Variants in KNDC1 observed in about 807,000 individuals in gnomAD.
KNDC1 encodes kinase non-catalytic C-lobe domain-containing protein 1.
KNDC1 carries 106 observed loss-of-function variants against 172.8 expected under a neutral mutation model. The ratio of observed to expected loss-of-function variants is 0.61; its 90% CI spans 0.52 to 0.72. KNDC1 has a LOEUF of 0.72. Ranked by LOEUF, KNDC1 falls within the 30% of genes least tolerant of loss-of-function variation. The probability of loss-of-function intolerance (pLI) is 0.00; values close to 1 mark genes in which losing one functional copy is unlikely to be tolerated. For missense variants in KNDC1, 2,325 were observed against 2,394.5 expected (o/e 0.97, Z 0.61); for synonymous variants, 1,083 against 1,062.2 (o/e 1.02, Z -0.38).
rs11101620 is a variant in KNDC1, at chr10:133,183,450, G to A, written c.467G>A (p.Arg156Gln). The A allele has an allele frequency of 0.027, 43,038 of 1,605,376 alleles. 650 individuals carry two copies. Among genetic ancestry groups the A allele is most frequent in the Middle Eastern group, 0.033 (156 of 4,796 alleles). The change falls in exon 4 of 30, where the codon CGG becomes CAG. Residue 156 changes from arginine (R) to glutamine (Q), a missense_variant. Transcript: ENST00000304613. ...LSQDLEALLSRMQAEDPGDRP... is the reference protein window; with the variant it reads ...LSQDLEALLSQMQAEDPGDRP... ...CAAGACCTCGAGGCGCTGCTGAGCC[G>A]GATGCAGGCGGAGGACCCCGGGGAC... is the stretch of plus-strand genomic sequence containing the variant.
intron 12 of KNDC1, among the ~76,000 whole-genome samples, chr10:133,198,072 T>C (rs879751030): frequency 6.6e-6 from 1 of 151,986 alleles, no homozygotes; most frequent in Non-Finnish European, 1.5e-5. Flanking sequence ...ACCCCCGTAC[T>C]GAGCCCTGCT....
At position 133,220,113 on chromosome 10, in the gene KNDC1, G is replaced by A; in HGVS notation, c.5018+1G>A. On this transcript the variant is annotated splice_donor_variant, in intron 29 of 29. Coordinates refer to ENST00000304613, the MANE Select transcript of KNDC1 (RefSeq NM_152643.8). LOFTEE classifies it high-confidence loss of function. ...GGGCCCACAGGTGGAGCAAGCTCAGGTGAGGAGGGGCTCAGGCGGCCGCGC... is the reference window on the plus strand; with the variant it reads ...GGGCCCACAGGTGGAGCAAGCTCAGATGAGGAGGGGCTCAGGCGGCCGCGC... The A allele has an allele frequency of 1.9e-6, 3 of 1,560,550 alleles. No homozygotes were observed. Among genetic ancestry groups the A allele is most frequent in the Non-Finnish European group, 2.6e-6 (3 of 1,152,300 alleles).
chr10:133,161,409 G>A (rs776245845), intron 1 of KNDC1, among the ~76,000 whole-genome samples: 1 of 152,194 alleles, frequency 6.6e-6, no homozygotes, highest in Non-Finnish European at 1.5e-5. Flanking sequence ...ATGTTGTGGC[G>A]CCCTCTCTTT....
At position 133,199,274 on chromosome 10, in the gene KNDC1, G is replaced by A; in HGVS notation, c.2758+8G>A. 6.5e-7 allele frequency: 1 copy of A among 1,548,532 alleles called. No individual in the cohort carries two copies. Among genetic ancestry groups the A allele is most frequent in the Non-Finnish European group, 8.7e-7 (1 of 1,145,186 alleles). On this transcript the variant is annotated splice_region_variant and intron_variant, in intron 14 of 29. Transcript: ENST00000304613. ...TGGAGGCTCTGATCATGGGTACGTG[G>A]GGGCCGCAGACGCCCCAGAGGAGGC...
intron 1 of KNDC1, among the ~76,000 whole-genome samples, chr10:133,161,239 C>T (rs1166307771): frequency 6.6e-6 from 1 of 152,134 alleles, no homozygotes; most frequent in East Asian, 1.9e-4. Flanking sequence ...AAGCCAGGCC[C>T]GGAAGCATGA....
chr10:133,165,770 G>T (rs1853131146), intron 1 of KNDC1, among the ~76,000 whole-genome samples: 1 of 152,148 alleles, frequency 6.6e-6, no homozygotes, highest in Non-Finnish European at 1.5e-5. Flanking sequence ...GGGAGCTTCG[G>T]GCTCTCTGGA....
intron 15 of KNDC1, among the ~76,000 whole-genome samples, chr10:133,200,091 G>A (rs938530543): frequency 3.9e-5 from 6 of 152,140 alleles, no homozygotes; most frequent in Non-Finnish European, 5.9e-5. Flanking sequence ...CCGCGTGCGT[G>A]TGGAGTAAAC....
chr10:133,221,625 C>T (rs544688035), intron 29 of KNDC1, among the ~76,000 whole-genome samples: 16 of 152,338 alleles, frequency 1.1e-4, no homozygotes, highest in Admixed American at 8.5e-4. Context: ...ACTTGGGGAG[C>T]AATGCTCAGC....
chr10:133,199,689 C>T, intron 15 of KNDC1, 87 bp downstream of exon 15: 1 of 1,447,350 alleles, frequency 6.9e-7, no homozygotes, highest in Non-Finnish European at 9.5e-7. Flanking sequence ...GCCCAGCCTT[C>T]CCCTCCCAAC....
In KNDC1 at chr10:133,224,202, C is replaced by T. The variant is rs1188633649; in HGVS notation, c.5019-457C>T. On this transcript the variant is annotated intron_variant, in intron 29 of 29. Coordinates refer to ENST00000304613, the MANE Select transcript of KNDC1 (RefSeq NM_152643.8). This position sits in a 1 kb window ranked among gnomAD's most constrained non-coding sequence, Gnocchi z 5.4. Reference sequence around the variant, plus strand: ...AGGGCTCCTGCTCGTGACTGGCCAGCTTTCTCCATTATATTCTATGGTGTG... The same window carrying T: ...AGGGCTCCTGCTCGTGACTGGCCAGTTTTCTCCATTATATTCTATGGTGTG... 6.6e-6 allele frequency among the ~76,000 whole-genome samples: 1 copy of T among 152,228 alleles called. No individual in the cohort carries two copies. Among genetic ancestry groups the T allele is most frequent in the Non-Finnish European group, 1.5e-5 (1 of 68,036 alleles).
chr10:133,218,016 C>T (rs1260283062), intron 26 of KNDC1, among the ~76,000 whole-genome samples: 2 of 151,088 alleles, frequency 1.3e-5, no homozygotes, highest in African/African-American at 2.4e-5. Flanking sequence ...GCCGAGATCG[C>T]GCCACTGCAC....
At position 133,186,371 on chromosome 10, in the gene KNDC1, C is replaced by T; in HGVS notation, c.1023C>T (p.Pro341=). ...TATCGGAATTATTCTCTCCGGACCC[C>T]AGGAAGGCCTTTCTGGACAGGAAAA... ...LPISELFSPD[P]RKAFLDRKNG... is the part of the protein sequence containing the mutation. Residue 341 remains proline, a synonymous_variant, in exon 6 of 30, where the codon CCC becomes CCT. Coordinates refer to ENST00000304613, the MANE Select transcript of KNDC1 (RefSeq NM_152643.8). The T allele has an allele frequency of 2.5e-6, 4 of 1,612,758 alleles. No individual in the cohort carries two copies. Among genetic ancestry groups the T allele is most frequent in the Non-Finnish European group, 3.4e-6 (4 of 1,179,964 alleles).
intron 2 of KNDC1, 57 bp downstream of exon 2, chr10:133,167,636 CA>C: frequency 7.3e-6 from 11 of 1,512,252 alleles, no homozygotes; most frequent in South Asian, 4.8e-5. Flanking sequence ...AGGTGCCTTT[CA>C]GGGGGGATGT....
At chr10:133,199,734 G>C in intron 15 of KNDC1, 132 bp downstream of exon 15, 1 of 1,058,930 alleles carries the variant, frequency 9.4e-7, no homozygotes, top group East Asian at 2.5e-5. Flanking sequence ...CTCCAGAGGG[G>C]CTACCCTTGG....
At chr10:133,166,567 AGTGT>A (rs371450560) in intron 1 of KNDC1, among the ~76,000 whole-genome samples, 5 of 151,752 alleles carry the variant, frequency 3.3e-5, no homozygotes, top group East Asian at 1.9e-4. Flanking sequence ...TCATTGCATG[AGTGT>A]GTGTGTGTGA....
intron 9 of KNDC1, among the ~76,000 whole-genome samples, chr10:133,195,010 A>G (rs182202640): frequency 3.3e-5 from 5 of 152,330 alleles, no homozygotes; most frequent in Admixed American, 2.6e-4. Flanking sequence ...TACTGAAATG[A>G]ATGAAAACAT....
At chr10:133,199,716 G>C in intron 15 of KNDC1, 114 bp downstream of exon 15, 1 of 1,231,726 alleles carries the variant, frequency 8.1e-7, no homozygotes, top group Non-Finnish European at 1.1e-6. Flanking sequence ...CTTCCATCTC[G>C]CTGCTGTCTC....
chr10:133,221,541 C>T (rs779984909), intron 29 of KNDC1, among the ~76,000 whole-genome samples: 6 of 152,154 alleles, frequency 3.9e-5, no homozygotes, highest in African/African-American at 7.2e-5. Flanking sequence ...CATCGCCTGC[C>T]GTTGTCCACA....
chr10:133,214,191 C>T, intron 26 of KNDC1, 69 bp downstream of exon 26: 1 of 1,552,680 alleles, frequency 6.4e-7, no homozygotes, highest in East Asian at 2.3e-5. Context: ...GGCAGCGCCT[C>T]CTATAAGGCC....
Sources: gnomAD v4.1 joint callset for allele counts (sites outside exome capture counted in the v4.1 genomes callset) on GRCh38, gnomAD v4.1.1 for gene constraint, Gnocchi (gnomAD v3.1) non-coding constraint, MANE v1.5 for transcripts, NCBI Gene and HGNC (gene_info 2026-07-23, HGNC 2026-07-21) for gene names.